The following NEBL variants were observed in gnomAD, a reference collection of about 807,000 sequenced individuals.
NEBL encodes the protein LIM and SH3 protein 2.
Under a neutral mutation model 140.2 loss-of-function variants are expected in NEBL, and 122 were observed. The ratio of observed to expected loss-of-function variants is 0.87; its 90% CI spans 0.75 to 1.01. The LOEUF (loss-of-function observed/expected upper bound fraction) is 1.01. Ranked by LOEUF, NEBL falls within the 50% of genes least tolerant of loss-of-function variation. NEBL has a pLI of 0.00. For missense variants in NEBL, 1,365 were observed against 1,231.3 expected, an observed-to-expected ratio of 1.11 and a Z score of -1.62; for synonymous variants, 436 against 398.9, an observed-to-expected ratio of 1.09 and a Z score of -1.11.
chr10:21,257,045 T>G (rs2132277228), intron 1 of NEBL, among the ~76,000 whole-genome samples: 1 of 152,344 alleles, frequency 6.6e-6, no homozygotes, highest in Non-Finnish European at 1.5e-5. Context: ...AAATTAGCCA[T>G]CACTGAAAAT....
intron 2 of NEBL, among the ~76,000 whole-genome samples, chr10:21,060,663 A>G (rs190446444): frequency 6.6e-6 from 1 of 151,806 alleles, no homozygotes; most frequent in Admixed American, 6.6e-5. Flanking sequence ...TCTTCCCTGT[A>G]TGCAAAACTC....
chr10:20,913,825 A>G (rs1589001709), intron 4 of NEBL, among the ~76,000 whole-genome samples: 1 of 152,346 alleles, frequency 6.6e-6, no homozygotes, highest in East Asian at 1.9e-4. Context: ...AATCATATAT[A>G]TGAGACAATG....
chr10:20,974,806 G>C (rs756108104), intron 3 of NEBL, among the ~76,000 whole-genome samples: 1 of 152,056 alleles, frequency 6.6e-6, no homozygotes, highest in African/African-American at 2.4e-5. Flanking sequence ...AAAGTGTGTA[G>C]GTTAATTTGC....
chr10:20,985,743 G>T (rs1355132512), intron 3 of NEBL, among the ~76,000 whole-genome samples: 1 of 151,952 alleles, frequency 6.6e-6, no homozygotes, highest in Admixed American at 6.6e-5. Flanking sequence ...ACAATATTCA[G>T]GATGGAGAGT....
intron 5 of NEBL, 83 bp downstream of exon 5, chr10:20,880,711 T>A (rs1378082514): frequency 9.5e-7 from 1 of 1,057,166 alleles, no homozygotes; most frequent in Non-Finnish European, 1.5e-6. Context: ...GTTGTAATGT[T>A]TAAATTTCAG....
chr10:20,897,726 G>T (rs1229677275), upstream of NEBL: 1 of 196,060 alleles, frequency 5.1e-6, no homozygotes, highest in African/African-American at 2.4e-5. Context: ...AACTCATTTT[G>T]TCAACCTAAA....
chr10:21,032,958 T>C (rs1268927928), intron 2 of NEBL, among the ~76,000 whole-genome samples: 1 of 152,202 alleles, frequency 6.6e-6, no homozygotes, highest in African/African-American at 2.4e-5. Context: ...TTATCGGCTA[T>C]TGAAACATGT....
At chr10:20,983,227 T>G (rs17811177) in intron 3 of NEBL, among the ~76,000 whole-genome samples, 5,132 of 152,322 alleles carry the variant, frequency 0.034, 103 homozygotes, top group South Asian at 0.052. Context: ...TGCTGAGACT[T>G]TACGATTCAT....
At position 20,826,478 on chromosome 10, in the gene NEBL, C is replaced by T. The variant is rs151035799; in HGVS notation, c.1838G>A (p.Arg613Gln). Residue 613 changes from arginine to glutamine, a missense_variant, in exon 18 of 28, where the codon CGA (arginine) becomes CAA (glutamine). This residue lies in a region of NEBL where 1,323 missense variants were observed against 1,154.8 expected (regional missense o/e 1.15). Transcript: ENST00000377122. ...TAVKDSPEIE[R>Q]VKKNQQNISS... ...AATATTCTGCTGATTTTTCTTCACTCGTTCGATCTCTGGGCTATCTTTCAC... is the reference window on the plus strand; with the variant it reads ...AATATTCTGCTGATTTTTCTTCACTTGTTCGATCTCTGGGCTATCTTTCAC... The T allele has an allele frequency of 1.3e-4, 202 of 1,612,858 alleles. No homozygotes were observed. The African/African-American group carries it at 2.3e-3, about 18-fold the overall frequency.
Position 20,831,041 on chromosome 10 carries a change from C to T in NEBL, c.1671+155G>A, listed in dbSNP as rs530952521. The T allele has an allele frequency of 3.0e-4, 199 of 663,240 alleles. 1 individual carries two copies. Among genetic ancestry groups the T allele is most frequent in the South Asian group, 1.1e-3 (67 of 60,142 alleles). The allele number at this position is 663,240 out of a possible 1,614,324, so 41.1% of individuals were successfully genotyped here. On this transcript the variant is annotated intron_variant, in intron 16 of 27. Transcript: ENST00000377122. ...ATGACTGTTGTCCTATTAATTAGTA[C>T]GGTTAATCAAGTTTGGCCAATGGTT...
chr10:20,878,526 G>C (rs1426004147), intron 5 of NEBL, among the ~76,000 whole-genome samples: 2 of 152,158 alleles, frequency 1.3e-5, no homozygotes, highest in African/African-American at 4.8e-5. Context: ...AGATTCCATA[G>C]ATCCACCCAC....
intron 3 of NEBL, among the ~76,000 whole-genome samples, chr10:21,218,785 A>G (rs1045834724): frequency 6.6e-6 from 1 of 152,232 alleles, no homozygotes; most frequent in Non-Finnish European, 1.5e-5. Flanking sequence ...CAAAGGAAAA[A>G]GGGTTTGGGC....
At chr10:21,131,430 T>C (rs1185798214) in intron 2 of NEBL, among the ~76,000 whole-genome samples, 3 of 152,090 alleles carry the variant, frequency 2.0e-5, no homozygotes, top group Non-Finnish European at 2.9e-5. Flanking sequence ...CAGACCGAAA[T>C]TGACCATATT....
chr10:21,103,253 C>T (rs1461063528), intron 2 of NEBL, among the ~76,000 whole-genome samples: 1 of 149,388 alleles, frequency 6.7e-6, no homozygotes, highest in Admixed American at 6.7e-5. Context: ...CACTCTGTTG[C>T]CCAGGCTGGA....
intron 4 of NEBL, among the ~76,000 whole-genome samples, chr10:20,955,157 C>T (rs180959837): frequency 2.6e-5 from 4 of 152,138 alleles, no homozygotes; most frequent in Admixed American, 6.5e-5. Flanking sequence ...AGAGAGGTGA[C>T]GAGAAATGCA....
chr10:20,858,434 G>A (rs1227872022), intron 8 of NEBL, 90 bp from the exon 9 acceptor site: 7 of 1,110,554 alleles, frequency 6.3e-6, no homozygotes, highest in Non-Finnish European at 2.7e-6. Context: ...CATAAAGTAG[G>A]ACTATTTAGT....
At chr10:20,864,587 T>C (rs1473774454) in intron 7 of NEBL, among the ~76,000 whole-genome samples, 2 of 152,204 alleles carry the variant, frequency 1.3e-5, no homozygotes, top group Non-Finnish European at 1.5e-5. Context: ...TGCCTTGTCA[T>C]TGCCTTCTCT....
intron 2 of NEBL, among the ~76,000 whole-genome samples, chr10:21,153,170 C>T (rs575148492): frequency 2.6e-5 from 4 of 152,226 alleles, no homozygotes; most frequent in African/African-American, 9.6e-5. Context: ...GCAGTAGATG[C>T]TATTATTCAA....
At chr10:20,924,928 G>A (rs769149065) in intron 4 of NEBL, among the ~76,000 whole-genome samples, 1 of 151,980 alleles carries the variant, frequency 6.6e-6, no homozygotes, top group Non-Finnish European at 1.5e-5. Flanking sequence ...GAGATGATCT[G>A]TCCCTTCCCT....
Sources: allele counts gnomAD v4.1 joint callset (sites outside exome capture counted in the v4.1 genomes callset), GRCh38; gene constraint gnomAD v4.1.1; regional missense constraint gnomAD v4.1.1; transcripts MANE v1.5; gene names NCBI Gene and HGNC (gene_info 2026-07-23, HGNC 2026-07-21).